ADGRB3: variants seen among roughly 807,000 people sequenced by gnomAD.
ADGRB3 encodes brain-specific angiogenesis inhibitor 3.
In ADGRB3, 37 loss-of-function variants were observed where a neutral mutation model predicts 193.4. The ratio of observed to expected loss-of-function variants is 0.19; its 90% CI spans 0.15 to 0.25. The LOEUF is 0.25. ADGRB3 is among the 10% of genes least tolerant of loss of function. The pLI is 1.00. For missense variants in ADGRB3, 1,637 were observed against 1,852.9 expected (o/e 0.88, Z 2.14); for synonymous variants, 690 against 644.2 (o/e 1.07, Z -1.08).
chr6:69,208,332 A>G (rs970365132), intron 17 of ADGRB3, among the ~76,000 whole-genome samples: 1 of 152,208 alleles, frequency 6.6e-6, no homozygotes, highest in Non-Finnish European at 1.5e-5. Context: ...AAGTCCACCA[A>G]CATACCTCTT....
chr6:69,083,985 G>A (rs190346566), intron 17 of ADGRB3, among the ~76,000 whole-genome samples: 125 of 152,104 alleles, frequency 8.2e-4, no homozygotes, highest in African/African-American at 2.9e-3. Flanking sequence ...ATGTTGGCCA[G>A]TCTGGTCTCA....
intron 3 of ADGRB3, among the ~76,000 whole-genome samples, chr6:68,794,000 T>C (rs945659289): frequency 1.3e-5 from 2 of 152,178 alleles, no homozygotes; most frequent in African/African-American, 4.8e-5. Context: ...CCACTGCTGC[T>C]TTCTCAAGAT....
chr6:68,759,837 A>G (rs1040935143), intron 3 of ADGRB3, among the ~76,000 whole-genome samples: 3 of 152,128 alleles, frequency 2.0e-5, no homozygotes, highest in Non-Finnish European at 4.4e-5. Context: ...TAGATGAAGA[A>G]AATGGATGTT....
chr6:68,743,709 A>G (rs1766026038), intron 3 of ADGRB3, among the ~76,000 whole-genome samples: 1 of 152,174 alleles, frequency 6.6e-6, no homozygotes, highest in African/African-American at 2.4e-5. Context: ...GCAAATTAAA[A>G]TGAAACTTAA....
intron 3 of ADGRB3, among the ~76,000 whole-genome samples, chr6:68,783,291 A>AATATATAT (rs72235249): frequency 0.019 from 2,677 of 144,034 alleles, 43 homozygotes; most frequent in South Asian, 0.053. Flanking sequence ...TGCCTCCCTA[A>AATATATAT]ATATATATAT....
At chr6:68,871,972 CTT>C (rs2150220180) in intron 3 of ADGRB3, among the ~76,000 whole-genome samples, 1 of 152,150 alleles carries the variant, frequency 6.6e-6, no homozygotes, top group African/African-American at 2.4e-5. Context: ...GATACTTAAA[CTT>C]TTGCTAAAAT....
chr6:68,995,097 A>G (rs889803192), intron 11 of ADGRB3, among the ~76,000 whole-genome samples: 3 of 152,198 alleles, frequency 2.0e-5, no homozygotes, highest in Non-Finnish European at 4.4e-5. Flanking sequence ...ATTTAAAATT[A>G]TAATTGTAAA....
In ADGRB3 at chr6:69,051,209, G is replaced by A. The variant is rs537681575; in HGVS notation, c.2333+1863G>A. Among the ~76,000 whole-genome samples the A allele has an allele frequency of 1.6e-4, 25 of 152,256 alleles. No homozygotes were observed. The East Asian group carries it at 4.8e-3, about 29-fold the overall frequency. ...CATTATGGATGATTTAATGGATATAGTAGAGACTAGTCTTATGGACTGGCT... is the reference window on the plus strand; with the variant it reads ...CATTATGGATGATTTAATGGATATAATAGAGACTAGTCTTATGGACTGGCT... On this transcript the variant is annotated intron_variant, in intron 15 of 31. Transcript: ENST00000370598.
chr6:69,337,933 T>C (rs1226294423), intron 24 of ADGRB3, among the ~76,000 whole-genome samples: 1 of 152,212 alleles, frequency 6.6e-6, no homozygotes, highest in Non-Finnish European at 1.5e-5. Flanking sequence ...TAGACATAGA[T>C]ACCACATAGG....
intron 3 of ADGRB3, among the ~76,000 whole-genome samples, chr6:68,770,682 T>C (rs1256938547): frequency 6.6e-6 from 1 of 152,110 alleles, no homozygotes; most frequent in Non-Finnish European, 1.5e-5. Context: ...TAGATCTTAT[T>C]TTATTCTAAC....
Position 68,830,999 on chromosome 6 carries a change from G to C in ADGRB3, c.758-99560G>C, listed in dbSNP as rs115954582. Among the ~76,000 whole-genome samples the C allele has an allele frequency of 4.1e-3, 617 of 151,476 alleles. 4 individuals carry two copies. The highest frequency in any genetic ancestry group is 0.014 in the African/African-American group (595 of 41,308). The stretch of plus-strand genomic sequence containing the variant: ...TGCTGAAAACAAATGGGTATAACGT[G>C]ATCTAACCTACATTTAATGCTGAAT... On this transcript the variant is annotated intron_variant, in intron 3 of 31. Transcript: ENST00000370598.
chr6:69,236,834 A>G (rs1043736413), intron 19 of ADGRB3, among the ~76,000 whole-genome samples: 1 of 152,022 alleles, frequency 6.6e-6, no homozygotes, highest in Non-Finnish European at 1.5e-5. Flanking sequence ...CACTACTACA[A>G]TAGTTTTCTA....
chr6:68,896,820 T>C (rs557351890), intron 3 of ADGRB3, among the ~76,000 whole-genome samples: 22 of 152,300 alleles, frequency 1.4e-4, no homozygotes, highest in African/African-American at 4.8e-4. Flanking sequence ...CTTCATTCTG[T>C]TGCCACTCAC....
At chr6:69,284,663 T>A (rs187245139) in intron 20 of ADGRB3, among the ~76,000 whole-genome samples, 2 of 151,914 alleles carry the variant, frequency 1.3e-5, no homozygotes, top group African/African-American at 4.8e-5. Context: ...GTATTTAACC[T>A]AAAAAAAACC....
At chr6:69,073,046 C>T (rs1410281153) in intron 16 of ADGRB3, among the ~76,000 whole-genome samples, 3 of 152,190 alleles carry the variant, frequency 2.0e-5, no homozygotes, top group East Asian at 3.9e-4. Context: ...TAGGCCATGA[C>T]ACTCCATTCC....
intron 17 of ADGRB3, among the ~76,000 whole-genome samples, chr6:69,118,206 T>G (rs1773586315): frequency 6.6e-6 from 1 of 152,116 alleles, no homozygotes; most frequent in Non-Finnish European, 1.5e-5. Flanking sequence ...CCAAATATAG[T>G]ATAATTCTGG....
intron 3 of ADGRB3, among the ~76,000 whole-genome samples, chr6:68,813,303 T>C (rs539226013): frequency 2.9e-4 from 44 of 152,144 alleles, no homozygotes; most frequent in Non-Finnish European, 4.3e-4. Flanking sequence ...CCTCCTTTGC[T>C]TCCCAGTCTC....
intron 3 of ADGRB3, among the ~76,000 whole-genome samples, chr6:68,720,803 G>A (rs915389268): frequency 2.6e-5 from 4 of 151,766 alleles, no homozygotes; most frequent in Non-Finnish European, 5.9e-5. Context: ...GCTGTAGACA[G>A]TGACACACAC....
chr6:68,747,808 G>A lies in ADGRB3; in HGVS notation c.757+108376G>A, dbSNP rs760061876. Among the ~76,000 whole-genome samples, 16 of 152,224 alleles carry A rather than the reference G, an allele frequency of 1.1e-4. 1 individual carries two copies. The highest frequency in any genetic ancestry group is 6.2e-4 in the South Asian group (3 of 4,822). On this transcript the variant is annotated intron_variant, in intron 3 of 31. Transcript: ENST00000370598. ...TATCATTTGGCAAAAATTCTCATTA[G>A]CAGTTGTATTAGTCGGTTTTCATGC...
Sources: gnomAD v4.1 joint callset for allele counts (sites outside exome capture counted in the v4.1 genomes callset) on GRCh38, gnomAD v4.1.1 for gene constraint, MANE v1.5 for transcripts, NCBI Gene and HGNC (gene_info 2026-07-23, HGNC 2026-07-21) for gene names.